Variants in TEAD1 observed in about 807,000 individuals in gnomAD.
TEAD1 encodes the protein TEA domain transcription factor 1.
Under a neutral mutation model 54.9 loss-of-function variants are expected in TEAD1, and 9 were observed. The ratio of observed to expected loss-of-function variants is 0.16; its 90% CI spans 0.10 to 0.29. The LOEUF is 0.29. TEAD1 is among the 10% of genes least tolerant of loss of function. TEAD1 has a pLI of 1.00. For missense variants in TEAD1, 387 were observed against 535.9 expected, an observed-to-expected ratio of 0.72 and a Z score of 2.74; for synonymous variants, 200 against 187.8, an observed-to-expected ratio of 1.07 and a Z score of -0.53.
intron 10 of TEAD1, among the ~76,000 whole-genome samples, chr11:12,902,695 A>T (rs1392070456): frequency 6.6e-6 from 1 of 151,544 alleles, no homozygotes. Context: ...CTTTACACAC[A>T]TTTTTTTTTA....
intron 3 of TEAD1, among the ~76,000 whole-genome samples, chr11:12,815,066 CG>C (rs1423193991): frequency 6.6e-6 from 1 of 152,128 alleles, no homozygotes; most frequent in African/African-American, 2.4e-5. Context: ...AAGGGAAAGA[CG>C]CAGGCAAGCT....
At chr11:12,909,555 G>GCT (rs2134139394) in intron 10 of TEAD1, among the ~76,000 whole-genome samples, 1 of 152,176 alleles carries the variant, frequency 6.6e-6, no homozygotes, top group Admixed American at 6.5e-5. Flanking sequence ...GGAACTTAGA[G>GCT]GACAGGTCAA....
At chr11:12,906,414 C>G (rs564188175) in intron 10 of TEAD1, among the ~76,000 whole-genome samples, 6 of 151,500 alleles carry the variant, frequency 4.0e-5, no homozygotes, top group South Asian at 2.1e-4. Context: ...GGTGGCGGGC[C>G]CCTCTAGTCC....
intron 2 of TEAD1, among the ~76,000 whole-genome samples, 177 bp downstream of exon 2, chr11:12,675,738 A>G (rs1169627120): frequency 6.6e-6 from 1 of 152,236 alleles, no homozygotes; most frequent in Non-Finnish European, 1.5e-5. Flanking sequence ...TAAAAAAATA[A>G]CTTTTGTATT....
rs1947361050 is a variant in TEAD1 at position 12,855,605 on chromosome 11, ATCCT to A, written c.203-6644_203-6641del. Reference sequence around the variant, plus strand: ...GCCTGACCAGGTTGTTGGCTTTCATATCCTAAAATATTTTTTTCCTTTTGATGAA... The same window carrying A: ...GCCTGACCAGGTTGTTGGCTTTCATAAAAATATTTTTTTCCTTTTGATGAA... On this transcript the variant is annotated intron_variant, in intron 3 of 12. Transcript: ENST00000527636. Among the ~76,000 whole-genome samples, 4 of 151,640 alleles carry A rather than the reference ATCCT, an allele frequency of 2.6e-5. No individual in the cohort carries two copies. In the South Asian group the frequency reaches 8.4e-4, roughly 32 times the overall value.
intron 2 of TEAD1, among the ~76,000 whole-genome samples, chr11:12,720,613 A>G (rs551645959): frequency 3.9e-5 from 6 of 152,338 alleles, no homozygotes; most frequent in South Asian, 4.1e-4. Context: ...TGAAGGCAGG[A>G]TTTGAATCCA....
chr11:12,799,559 A>T (rs919364163), intron 3 of TEAD1, among the ~76,000 whole-genome samples: 1 of 152,222 alleles, frequency 6.6e-6, no homozygotes, highest in African/African-American at 2.4e-5. Flanking sequence ...AGTGCTTTAC[A>T]GTTTATAATT....
intron 2 of TEAD1, among the ~76,000 whole-genome samples, chr11:12,745,802 C>T (rs1944735929): frequency 6.6e-6 from 1 of 151,666 alleles, no homozygotes. Flanking sequence ...GTCCATCTAC[C>T]TTTCACCACC....
At chr11:12,678,935 A>T (rs899084896) in intron 2 of TEAD1, among the ~76,000 whole-genome samples, 13 of 152,188 alleles carry the variant, frequency 8.5e-5, no homozygotes, top group African/African-American at 3.1e-4. Flanking sequence ...TAAAAATGGG[A>T]TGCCCTGGTG....
intron 3 of TEAD1, among the ~76,000 whole-genome samples, chr11:12,788,192 A>G (rs1945720257): frequency 6.8e-6 from 1 of 148,114 alleles, no homozygotes; most frequent in Non-Finnish European, 1.5e-5. Context: ...GCTGGAGTGC[A>G]GTGGCGCGAC....
chr11:12,813,346 C>G (rs1406655542), intron 3 of TEAD1, among the ~76,000 whole-genome samples: 2 of 152,176 alleles, frequency 1.3e-5, no homozygotes, highest in Non-Finnish European at 2.9e-5. Context: ...TTAAGAGTGC[C>G]TCAAGTGAGC....
At chr11:12,861,916 G>A (rs952217102) in intron 3 of TEAD1, among the ~76,000 whole-genome samples, 2 of 152,002 alleles carry the variant, frequency 1.3e-5, no homozygotes, top group Admixed American at 1.3e-4. Context: ...AACCTGGGAG[G>A]CAGAGGTTGC....
At chr11:12,722,518 G>C (rs1004659209) in intron 2 of TEAD1, among the ~76,000 whole-genome samples, 1 of 152,164 alleles carries the variant, frequency 6.6e-6, no homozygotes, top group Admixed American at 6.5e-5. Context: ...CAGAGTATAG[G>C]ATAGAGACTC....
At chr11:12,761,196 T>C (rs1375342243) in intron 2 of TEAD1, among the ~76,000 whole-genome samples, 1 of 152,228 alleles carries the variant, frequency 6.6e-6, no homozygotes, top group Admixed American at 6.5e-5. Flanking sequence ...CAGGAAGTTG[T>C]GATTCATACC....
chr11:12,824,026 C>T (rs888060634), intron 3 of TEAD1, among the ~76,000 whole-genome samples: 4 of 152,104 alleles, frequency 2.6e-5, no homozygotes, highest in African/African-American at 7.2e-5. Flanking sequence ...AAAATGAGAA[C>T]GTCTGTAAAA....
chr11:12,870,913 A>G (rs1947734386), intron 5 of TEAD1, among the ~76,000 whole-genome samples: 2 of 152,202 alleles, frequency 1.3e-5, no homozygotes, highest in Non-Finnish European at 2.9e-5. Context: ...AAAAATGTCT[A>G]GGACAGAAGC....
Position 12,746,804 on chromosome 11 carries a change from G to A in TEAD1, c.-54-17375G>A, listed in dbSNP as rs149116012. Among the ~76,000 whole-genome samples, 198 of 152,344 alleles carry A rather than the reference G, an allele frequency of 1.3e-3. 2 individuals are homozygous for A. Among genetic ancestry groups the A allele is most frequent in the African/African-American group, 4.5e-3 (188 of 41,584 alleles). On this transcript the variant is annotated intron_variant, in intron 2 of 12. Transcript: ENST00000527636. ...CTTGTGGGAGGTGAACTGGCTGAGA[G>A]CCAGGCTGCGTTCTCCCAGGATGAG...
At chr11:12,688,792 C>T (rs1943389892) in intron 2 of TEAD1, among the ~76,000 whole-genome samples, 1 of 152,224 alleles carries the variant, frequency 6.6e-6, no homozygotes, top group African/African-American at 2.4e-5. Flanking sequence ...GAATGACCCA[C>T]TGTCAGCCTC....
chr11:12,908,076 C>T (rs1197315547), intron 10 of TEAD1, among the ~76,000 whole-genome samples: 1 of 152,040 alleles, frequency 6.6e-6, no homozygotes, highest in Non-Finnish European at 1.5e-5. Flanking sequence ...TTTAAAAAGC[C>T]TTTCTTGCTG....
Sources: allele counts gnomAD v4.1 joint callset (sites outside exome capture counted in the v4.1 genomes callset), GRCh38; gene constraint gnomAD v4.1.1; transcripts MANE v1.5; gene names NCBI Gene and HGNC (gene_info 2026-07-23, HGNC 2026-07-21).